CTNNA2: variants seen among roughly 807,000 people sequenced by gnomAD.
CTNNA2 encodes the protein catenin alpha-2.
CTNNA2 carries 42 observed loss-of-function variants against 101.0 expected under a neutral mutation model. The observed-to-expected ratio is 0.42, with a 90% CI of 0.32 to 0.54. The LOEUF (loss-of-function observed/expected upper bound fraction) is 0.54. Among genes scored for constraint, CTNNA2 ranks in the 20% least tolerant of loss-of-function variants. The pLI is 0.14. For missense variants in CTNNA2, 871 were observed against 1,223.1 expected (o/e 0.71, Z 4.29); for synonymous variants, 450 against 456.4 (o/e 0.99, Z 0.18).
intron 3 of CTNNA2, among the ~76,000 whole-genome samples, chr2:79,777,254 A>G (rs1674036656): frequency 6.6e-6 from 1 of 151,986 alleles, no homozygotes; most frequent in African/African-American, 2.4e-5. Flanking sequence ...CAATCTGTCA[A>G]CAACTGGATG....
intron 4 of CTNNA2, among the ~76,000 whole-genome samples, chr2:79,479,207 T>C (rs909711655): frequency 3.3e-5 from 5 of 152,204 alleles, no homozygotes; most frequent in Non-Finnish European, 7.4e-5. Context: ...AAATCTGTTT[T>C]TGATGCTCAT....
chr2:79,438,360 G>A (rs1678739999), intron 4 of CTNNA2, among the ~76,000 whole-genome samples: 1 of 152,122 alleles, frequency 6.6e-6, no homozygotes, highest in Admixed American at 6.5e-5. Flanking sequence ...TGTGAGGTTG[G>A]GTAATCTAGC....
chr2:79,825,629 T>A (rs1195049758), intron 3 of CTNNA2, among the ~76,000 whole-genome samples: 1 of 151,910 alleles, frequency 6.6e-6, no homozygotes, highest in African/African-American at 2.4e-5. Context: ...CCTATGACAC[T>A]AAAATGGAAA....
intron 1 of CTNNA2, among the ~76,000 whole-genome samples, chr2:79,640,298 G>C (rs929565698): frequency 1.3e-5 from 2 of 152,166 alleles, no homozygotes; most frequent in Non-Finnish European, 1.5e-5. Flanking sequence ...ATTTGAGTCA[G>C]TGAGAAGGAA....
At chr2:80,062,389 C>T (rs892004671) in intron 7 of CTNNA2, among the ~76,000 whole-genome samples, 1 of 152,126 alleles carries the variant, frequency 6.6e-6, no homozygotes, top group Non-Finnish European at 1.5e-5. Flanking sequence ...ACCACTTTAG[C>T]CATTTTAAAA....
chr2:79,691,176 C>G (rs893241486), intron 2 of CTNNA2, among the ~76,000 whole-genome samples: 10 of 151,682 alleles, frequency 6.6e-5, no homozygotes, highest in Non-Finnish European at 1.3e-4. Flanking sequence ...TATGACAGAG[C>G]ATAAAAAAGT....
chr2:79,192,339 G>T (rs1264134773), intron 1 of CTNNA2, among the ~76,000 whole-genome samples: 1 of 152,126 alleles, frequency 6.6e-6, no homozygotes, highest in Admixed American at 6.5e-5. Context: ...CTCAGCTTCA[G>T]TGTTCAACAC....
At chr2:79,264,250 G>T (rs1335430990) in intron 2 of CTNNA2, among the ~76,000 whole-genome samples, 1 of 152,106 alleles carries the variant, frequency 6.6e-6, no homozygotes, top group Admixed American at 6.6e-5. Flanking sequence ...AGGGCTAAGG[G>T]TATGGTAAGC....
At chr2:79,775,868 T>C (rs993974551) in intron 3 of CTNNA2, among the ~76,000 whole-genome samples, 16 of 152,214 alleles carry the variant, frequency 1.1e-4, no homozygotes, top group African/African-American at 3.9e-4. Context: ...CTAAATTTAC[T>C]ATTGAAATCT....
At chr2:79,492,025 A>G (rs1671210982) in intron 4 of CTNNA2, among the ~76,000 whole-genome samples, 2 of 152,172 alleles carry the variant, frequency 1.3e-5, no homozygotes, top group African/African-American at 4.8e-5. Flanking sequence ...ATCATAATAG[A>G]TATGCATTTA....
chr2:80,486,126 A>G (rs1686562989), intron 9 of CTNNA2, among the ~76,000 whole-genome samples: 3 of 152,244 alleles, frequency 2.0e-5, no homozygotes, highest in Non-Finnish European at 2.9e-5. Context: ...TGGAAAGTCT[A>G]TTACATTTGT....
At chr2:80,614,827 C>G (rs1297458830) in intron 17 of CTNNA2, among the ~76,000 whole-genome samples, 5 of 151,132 alleles carry the variant, frequency 3.3e-5, no homozygotes, top group Non-Finnish European at 5.9e-5. Context: ...TACATTGAAC[C>G]AAATAATTAT....
intron 7 of CTNNA2, among the ~76,000 whole-genome samples, chr2:80,036,529 C>G (rs1312451403): frequency 6.6e-6 from 1 of 152,090 alleles, no homozygotes; most frequent in Non-Finnish European, 1.5e-5. Flanking sequence ...TGCTTGAGCC[C>G]AGAAATTCTA....
intron 4 of CTNNA2, among the ~76,000 whole-genome samples, chr2:79,425,000 C>A (rs190722609): frequency 7.9e-5 from 12 of 152,186 alleles, no homozygotes; most frequent in African/African-American, 2.6e-4. Flanking sequence ...ACACAATGGG[C>A]AGCTGGTAGT....
At chr2:80,127,182 C>T (rs922808512) in intron 7 of CTNNA2, among the ~76,000 whole-genome samples, 1 of 152,166 alleles carries the variant, frequency 6.6e-6, no homozygotes, top group Non-Finnish European at 1.5e-5. Context: ...GTCCCCAAAT[C>T]AACTTTATAG....
At chr2:79,916,473 C>G (rs1686210239) in intron 7 of CTNNA2, among the ~76,000 whole-genome samples, 1 of 143,292 alleles carries the variant, frequency 7.0e-6, no homozygotes, top group Non-Finnish European at 1.5e-5. Context: ...ATTTACACTT[C>G]CCATGCAAAA....
At chr2:79,322,861 C>T (rs1676656094) in intron 3 of CTNNA2, among the ~76,000 whole-genome samples, 1 of 152,176 alleles carries the variant, frequency 6.6e-6, no homozygotes, top group African/African-American at 2.4e-5. Context: ...GGTCTTTCCA[C>T]CTCACCAACC....
At chr2:80,098,105 T>C (rs1700279247) in intron 7 of CTNNA2, among the ~76,000 whole-genome samples, 1 of 152,192 alleles carries the variant, frequency 6.6e-6, no homozygotes, top group African/African-American at 2.4e-5. Context: ...TTTCCAGTTT[T>C]TCTGCTCTGT....
At chr2:79,564,497 G>T (rs1194917462) in intron 1 of CTNNA2, among the ~76,000 whole-genome samples, 1 of 152,060 alleles carries the variant, frequency 6.6e-6, no homozygotes, top group Non-Finnish European at 1.5e-5. Context: ...TGGTGAAGAT[G>T]ATTGAATTTT....
Sources: gnomAD v4.1 joint callset for allele counts (sites outside exome capture counted in the v4.1 genomes callset) on GRCh38, gnomAD v4.1.1 for gene constraint, MANE v1.5 for transcripts, NCBI Gene and HGNC (gene_info 2026-07-23, HGNC 2026-07-21) for gene names.